Variants in GALNT18 observed in about 807,000 individuals in gnomAD.
GALNT18 encodes the protein polypeptide N-acetylgalactosaminyltransferase 18.
GALNT18 carries 44 observed loss-of-function variants against 69.5 expected under a neutral mutation model. The observed-to-expected ratio is 0.63, with a 90% CI of 0.50 to 0.81. The LOEUF (loss-of-function observed/expected upper bound fraction) is 0.81, where lower values mean the gene tolerates loss of function less well. GALNT18 is among the 40% of genes least tolerant of loss of function. The pLI, the probability that GALNT18 is intolerant of heterozygous loss-of-function variation, is 0.00. For synonymous variants in GALNT18, 364 were observed against 318.2 expected (o/e 1.14, Z -1.53); for missense variants, 715 against 810.0 (o/e 0.88, Z 1.42).
rs534924890 is a variant in GALNT18, at chr11:11,339,574, C to T, written c.1278+1245G>A. 4.6e-5 allele frequency among the ~76,000 whole-genome samples: 7 copies of T among 152,288 alleles called. No individual in the cohort carries two copies. The East Asian group carries it at 7.7e-4, about 17-fold the overall frequency. On this transcript the variant is annotated intron_variant, in intron 7 of 10. Transcript: ENST00000227756. The surrounding 1 kb of genome is among the most constrained non-coding windows in gnomAD (Gnocchi z 5.2). ...GGGCTTGGCACCCCGTGCAGAATAC[C>T]GTGATTCAATCCTGACCATGAGTCC...
At chr11:11,289,556 A>G (rs1273064398) in intron 10 of GALNT18, among the ~76,000 whole-genome samples, 3 of 152,196 alleles carry the variant, frequency 2.0e-5, no homozygotes, top group Admixed American at 2.0e-4. Context: ...CTTTGCCTCA[A>G]GGATGCCCAT....
At chr11:11,524,398 C>G (rs552766038) in intron 1 of GALNT18, among the ~76,000 whole-genome samples, 5 of 152,320 alleles carry the variant, frequency 3.3e-5, no homozygotes, top group Non-Finnish European at 5.9e-5. Flanking sequence ...CATTGCCTTG[C>G]AGTATCCCTC....
intron 1 of GALNT18, among the ~76,000 whole-genome samples, chr11:11,597,590 A>G (rs776876457): frequency 1.4e-4 from 21 of 151,562 alleles, no homozygotes; most frequent in Non-Finnish European, 2.9e-4. Context: ...TCATTTTATT[A>G]TAATCCTTCT....
chr11:11,465,480 G>A lies in GALNT18; in HGVS notation c.236-16544C>T, dbSNP rs1008618445. ...GCTGCCCTCTGATCCTGGGGCTCGT[G>A]ATCCGTATCCATGGCAGCTCAGTAG... On this transcript the variant is annotated intron_variant, in intron 1 of 10. Coordinates refer to ENST00000227756, the MANE Select transcript of GALNT18 (RefSeq NM_198516.3). This position sits in a 1 kb window ranked among gnomAD's most constrained non-coding sequence, Gnocchi z 5.7. Among the ~76,000 whole-genome samples, 1 of 152,152 alleles carries A rather than the reference G, an allele frequency of 6.6e-6. No individual in the cohort carries two copies. Among genetic ancestry groups the A allele is most frequent in the African/African-American group, 2.4e-5 (1 of 41,432 alleles).
In GALNT18 at chr11:11,601,889, A is replaced by G. The variant is rs1321878908; in HGVS notation, c.235+19470T>C. 6.6e-6 allele frequency among the ~76,000 whole-genome samples: 1 copy of G among 152,198 alleles called. No individual in the cohort carries two copies. The highest frequency in any genetic ancestry group is 2.4e-5 in the African/African-American group (1 of 41,442). ...TGATTTGCTTAAAGTCACAATTTCT[A>G]AGAACCTATCAACAGCATTACTGTG... is the stretch of plus-strand genomic sequence containing the variant. On this transcript the variant is annotated intron_variant, in intron 1 of 10. Coordinates refer to ENST00000227756, the MANE Select transcript of GALNT18 (RefSeq NM_198516.3). This position sits in a 1 kb window ranked among gnomAD's most constrained non-coding sequence, Gnocchi z 4.0.
chr11:11,290,043 C>T (rs1282450136), intron 10 of GALNT18, among the ~76,000 whole-genome samples: 1 of 152,158 alleles, frequency 6.6e-6, no homozygotes, highest in East Asian at 1.9e-4. Context: ...CTGTGGCCTC[C>T]AGGGGCTACT....
Position 11,595,132 on chromosome 11 carries a change from G to A in GALNT18, c.235+26227C>T, listed in dbSNP as rs1469409541. ...CTCCCAAAATGTTTTCCAAAGTGATGGTACCATTTTATATTTTGCTATGAT... is the reference window on the plus strand; with the variant it reads ...CTCCCAAAATGTTTTCCAAAGTGATAGTACCATTTTATATTTTGCTATGAT... On this transcript the variant is annotated intron_variant, in intron 1 of 10. Transcript: ENST00000227756. The surrounding 1 kb of genome is among the most constrained non-coding windows in gnomAD (Gnocchi z 5.2). Among the ~76,000 whole-genome samples, 4 of 151,706 alleles carry A rather than the reference G, an allele frequency of 2.6e-5. No individual in the cohort carries two copies. Among genetic ancestry groups the A allele is most frequent in the African/African-American group, 4.8e-5 (2 of 41,284 alleles).
chr11:11,517,419 T>C (rs1400334415), intron 1 of GALNT18, among the ~76,000 whole-genome samples: 2 of 152,316 alleles, frequency 1.3e-5, no homozygotes, highest in Non-Finnish European at 2.9e-5. Context: ...AAATACTTTC[T>C]TCCTCCTGGG....
At position 11,383,437 on chromosome 11, in the gene GALNT18, G is replaced by A. The variant is rs955486831; in HGVS notation, c.596-4173C>T. On this transcript the variant is annotated intron_variant, in intron 3 of 10. Coordinates refer to ENST00000227756, the MANE Select transcript of GALNT18 (RefSeq NM_198516.3). This position sits in a 1 kb window ranked among gnomAD's most constrained non-coding sequence, Gnocchi z 5.2. Reference sequence around the variant, plus strand: ...ATAAAGGAAACTAAAGGATCTGAAAGTTGATGCCTAATGGGGCTTTGCTCT... The same window carrying A: ...ATAAAGGAAACTAAAGGATCTGAAAATTGATGCCTAATGGGGCTTTGCTCT... Among the ~76,000 whole-genome samples, 5 of 152,206 alleles carry A rather than the reference G, an allele frequency of 3.3e-5. No homozygotes were observed. Among genetic ancestry groups the A allele is most frequent in the Non-Finnish European group, 5.9e-5 (4 of 68,040 alleles).
intron 9 of GALNT18, among the ~76,000 whole-genome samples, chr11:11,297,111 G>T (rs978465087): frequency 2.0e-5 from 3 of 152,240 alleles, no homozygotes; most frequent in South Asian, 2.1e-4. Flanking sequence ...TGTCATGATG[G>T]TGGGGGTGGT....
At chr11:11,597,446 T>C (rs957798473) in intron 1 of GALNT18, among the ~76,000 whole-genome samples, 4 of 152,156 alleles carry the variant, frequency 2.6e-5, no homozygotes, top group African/African-American at 9.7e-5. Flanking sequence ...ATTTTTTAAA[T>C]CACTAATCAA....
chr11:11,614,952 GC>G lies in GALNT18; in HGVS notation c.235+6406del, dbSNP rs1243237713. Among the ~76,000 whole-genome samples, 1 of 152,170 alleles carries G rather than the reference GC, an allele frequency of 6.6e-6. No homozygotes were observed. The highest frequency in any genetic ancestry group is 1.5e-5 in the Non-Finnish European group (1 of 68,026). On this transcript the variant is annotated intron_variant, in intron 1 of 10. Transcript: ENST00000227756. This position sits in a 1 kb window ranked among gnomAD's most constrained non-coding sequence, Gnocchi z 5.6. ...GGGAAAAGTTGTGTCCTTTGGCAAG[GC>G]TTTTCTTCTTCATAAAGCTGTGGTT...
At position 11,330,410 on chromosome 11, in the gene GALNT18, C is replaced by G. The variant is rs560194028; in HGVS notation, c.1416+2284G>C. Among the ~76,000 whole-genome samples the G allele has an allele frequency of 5.9e-5, 9 of 152,332 alleles. No homozygotes were observed. In the East Asian group the frequency reaches 1.7e-3, roughly 29 times the overall value. ...TGCATCCCACTTTGCCCATCTTCAGCCAGTTGCCCCCATTAAGAGTTCATT... is the reference window on the plus strand; with the variant it reads ...TGCATCCCACTTTGCCCATCTTCAGGCAGTTGCCCCCATTAAGAGTTCATT... On this transcript the variant is annotated intron_variant, in intron 8 of 10. Coordinates refer to ENST00000227756, the MANE Select transcript of GALNT18 (RefSeq NM_198516.3).
intron 6 of GALNT18, among the ~76,000 whole-genome samples, chr11:11,358,077 C>CAG (rs1850567942): frequency 1.1e-5 from 1 of 93,030 alleles, no homozygotes; most frequent in Non-Finnish European, 2.6e-5. Flanking sequence ...TCCCTGCCTC[C>CAG]ATCTCCTATG....
At chr11:11,518,631 C>T (rs1272190269) in intron 1 of GALNT18, among the ~76,000 whole-genome samples, 1 of 152,202 alleles carries the variant, frequency 6.6e-6, no homozygotes, top group Non-Finnish European at 1.5e-5. Context: ...GTTAGAAAGA[C>T]ACAAAGATGC....
chr11:11,496,567 T>C lies in GALNT18; in HGVS notation c.236-47631A>G, dbSNP rs1360697394. Among the ~76,000 whole-genome samples the C allele has an allele frequency of 1.3e-5, 2 of 152,182 alleles. No individual in the cohort carries two copies. Among genetic ancestry groups the C allele is most frequent in the Non-Finnish European group, 1.5e-5 (1 of 68,024 alleles). On this transcript the variant is annotated intron_variant, in intron 1 of 10. Coordinates refer to ENST00000227756, the MANE Select transcript of GALNT18 (RefSeq NM_198516.3). The surrounding 1 kb of genome is among the most constrained non-coding windows in gnomAD (Gnocchi z 4.0). ...TCTAAAGAACAAGCAGCTTGCTATC[T>C]CTCAGTAGGTTCTAATCAACATCAC... is the stretch of plus-strand genomic sequence containing the variant.
At chr11:11,274,455 G>A (rs758905029) in intron 10 of GALNT18, among the ~76,000 whole-genome samples, 4 of 152,186 alleles carry the variant, frequency 2.6e-5, no homozygotes, top group South Asian at 2.1e-4. Context: ...TGAAATTCTC[G>A]CTGCTAGGAC....
intron 1 of GALNT18, among the ~76,000 whole-genome samples, chr11:11,594,070 T>G (rs1269488024): frequency 6.6e-6 from 1 of 152,236 alleles, no homozygotes; most frequent in Non-Finnish European, 1.5e-5. Flanking sequence ...TGTGCCAGAC[T>G]CTGTGTATGT....
chr11:11,451,837 C>T (rs964935687), intron 1 of GALNT18, among the ~76,000 whole-genome samples: 1 of 152,200 alleles, frequency 6.6e-6, no homozygotes, highest in African/African-American at 2.4e-5. Flanking sequence ...CAAGGCCACC[C>T]AGTGTGTCAG....
Sources: gnomAD v4.1 joint callset for allele counts (sites outside exome capture counted in the v4.1 genomes callset) on GRCh38, gnomAD v4.1.1 for gene constraint, Gnocchi (gnomAD v3.1) non-coding constraint, MANE v1.5 for transcripts, NCBI Gene and HGNC (gene_info 2026-07-23, HGNC 2026-07-21) for gene names.